ZFHX3: variants seen among roughly 807,000 people sequenced by gnomAD.
ZFHX3 encodes zinc finger homeobox 3, also known as zinc finger homeobox protein 3.
A neutral mutation model predicts 279.1 loss-of-function variants in ZFHX3; 42 were observed. The ratio of observed to expected loss-of-function variants is 0.15; its 90% CI spans 0.12 to 0.19. The LOEUF (loss-of-function observed/expected upper bound fraction) is 0.19. Ranked by LOEUF, ZFHX3 falls within the 10% of genes least tolerant of loss-of-function variation. The pLI is 1.00. For missense variants in ZFHX3, 4,981 were observed against 4,754.0 expected (o/e 1.05, Z -1.40); for synonymous variants, 2,293 against 1,957.8 (o/e 1.17, Z -4.52).
rs971952814 is a variant in ZFHX3, at chr16:72,797,496, T to C, written c.5186A>G (p.Gln1729Arg). Residue 1729 changes from glutamine to arginine, a missense_variant, in exon 9 of 10, where the codon CAG becomes CGG. This residue lies in a region of ZFHX3 where 1,751 missense variants were observed against 1,770.0 expected (regional missense o/e 0.99). Coordinates refer to ENST00000268489, the MANE Select transcript of ZFHX3 (RefSeq NM_006885.4). ...TTGTTGTTGTTGTTGTTGCTGTTGC[T>C]GCTGCTGTTGTTGCTGCTGCCTGGA... ...IASRQQQQQQ[Q>R]QQQQQQQQQQ... is the part of the protein sequence containing the mutation. 4.3e-6 allele frequency: 7 copies of C among 1,613,064 alleles called. No homozygotes were observed. The highest frequency in any genetic ancestry group is 4.0e-5 in the African/African-American group (3 of 74,894).
chr16:72,878,704 G>A (rs1404896271), intron 4 of ZFHX3, among the ~76,000 whole-genome samples: 2 of 152,172 alleles, frequency 1.3e-5, no homozygotes, highest in Non-Finnish European at 2.9e-5. Flanking sequence ...TACTTGTCCC[G>A]TGGATGAGTT....
chr16:73,838,349 G>A (rs1245238389), intron 1 of ZFHX3, among the ~76,000 whole-genome samples: 1 of 152,110 alleles, frequency 6.6e-6, no homozygotes, highest in Non-Finnish European at 1.5e-5. Context: ...GCATATTTCT[G>A]TCATGTTTAA....
intron 1 of ZFHX3, among the ~76,000 whole-genome samples, chr16:73,040,580 C>G (rs897591676): frequency 6.6e-6 from 1 of 152,120 alleles, no homozygotes; most frequent in Non-Finnish European, 1.5e-5. Flanking sequence ...ATGGGGGACA[C>G]TGTAACTATT....
intron 4 of ZFHX3, among the ~76,000 whole-genome samples, chr16:73,292,995 G>A (rs1426987406): frequency 1.3e-5 from 2 of 152,166 alleles, no homozygotes; most frequent in Non-Finnish European, 2.9e-5. Flanking sequence ...TACCATGGAG[G>A]CAAGTGGCCT....
At chr16:73,648,064 A>G (rs951186406) in intron 2 of ZFHX3, among the ~76,000 whole-genome samples, 1 of 152,236 alleles carries the variant, frequency 6.6e-6, no homozygotes, top group Non-Finnish European at 1.5e-5. Flanking sequence ...TTGGGGCTAC[A>G]TTCTGGAGGA....
chr16:73,756,756 C>T (rs1318006966), intron 1 of ZFHX3, among the ~76,000 whole-genome samples: 1 of 150,328 alleles, frequency 6.7e-6, no homozygotes, highest in Non-Finnish European at 1.5e-5. Flanking sequence ...GAACCCACTC[C>T]TTCTCCCCCC....
At chr16:73,804,609 C>T (rs998703123) in intron 1 of ZFHX3, among the ~76,000 whole-genome samples, 3 of 152,086 alleles carry the variant, frequency 2.0e-5, no homozygotes, top group African/African-American at 4.8e-5. Context: ...ATATAATTTA[C>T]AACCCTCAGA....
chr16:73,760,338 C>G (rs1597099023), intron 1 of ZFHX3, among the ~76,000 whole-genome samples: 1 of 152,252 alleles, frequency 6.6e-6, no homozygotes, highest in East Asian at 1.9e-4. Flanking sequence ...GACGGATTTA[C>G]AGCTGAATTT....
chr16:73,235,813 G>A (rs536584730), intron 5 of ZFHX3, among the ~76,000 whole-genome samples: 2 of 152,054 alleles, frequency 1.3e-5, no homozygotes, highest in South Asian at 4.1e-4. Context: ...TGGGACTATA[G>A]GCATGCGCCA....
At chr16:73,872,752 G>A (rs968270560) in intron 1 of ZFHX3, among the ~76,000 whole-genome samples, 1 of 79,548 alleles carries the variant, frequency 1.3e-5, no homozygotes, top group African/African-American at 5.4e-5. Flanking sequence ...GGTGGCGGGG[G>A]TTGGTGGTGG....
At chr16:73,234,283 A>G (rs1044345211) in intron 5 of ZFHX3, among the ~76,000 whole-genome samples, 1 of 152,202 alleles carries the variant, frequency 6.6e-6, no homozygotes, top group Admixed American at 6.5e-5. Context: ...AATGCAGGAG[A>G]TGAAATTAGC....
At chr16:73,139,045 G>A (rs1966839294) in intron 6 of ZFHX3, among the ~76,000 whole-genome samples, 1 of 152,112 alleles carries the variant, frequency 6.6e-6, no homozygotes, top group Non-Finnish European at 1.5e-5. Context: ...TTCAACATTT[G>A]GTTGAAGGGG....
chr16:73,781,758 G>A (rs202239743), intron 1 of ZFHX3, among the ~76,000 whole-genome samples: 1 of 152,186 alleles, frequency 6.6e-6, no homozygotes, highest in East Asian at 1.9e-4. Flanking sequence ...GGAGGCCAAG[G>A]TGGGCGAATC....
At chr16:72,907,227 C>T (rs1468868657) in intron 3 of ZFHX3, among the ~76,000 whole-genome samples, 3 of 152,236 alleles carry the variant, frequency 2.0e-5, no homozygotes, top group Admixed American at 6.5e-5. Context: ...TCTATAATAG[C>T]ATAAGGCCAG....
chr16:73,068,417 GAC>G (rs1965781873), intron 8 of ZFHX3, among the ~76,000 whole-genome samples: 1 of 152,174 alleles, frequency 6.6e-6, no homozygotes, highest in South Asian at 2.1e-4. Context: ...AAGACTAAGA[GAC>G]AAGTCACTGA....
chr16:73,012,540 C>A (rs1177218390), intron 1 of ZFHX3, among the ~76,000 whole-genome samples: 1 of 152,066 alleles, frequency 6.6e-6, no homozygotes. Flanking sequence ...ACGGCCGGTG[C>A]CCAACGGTGG....
At chr16:72,926,906 T>C (rs577854005) in intron 3 of ZFHX3, among the ~76,000 whole-genome samples, 6 of 152,316 alleles carry the variant, frequency 3.9e-5, no homozygotes, top group African/African-American at 1.4e-4. Context: ...CACAAAGGAT[T>C]ACCAAGAAGC....
At chr16:72,969,536 C>T (rs1210010351) in intron 1 of ZFHX3, among the ~76,000 whole-genome samples, 1 of 151,702 alleles carries the variant, frequency 6.6e-6, no homozygotes, top group African/African-American at 2.4e-5. Context: ...TCCAGCAGCC[C>T]CCAGAGTGTG....
At chr16:73,796,466 C>A (rs1426251985) in intron 1 of ZFHX3, 1 of 152,184 alleles carries the variant, frequency 6.6e-6, no homozygotes, top group Non-Finnish European at 1.5e-5. Context: ...TAAGAGAGAC[C>A]AACTGCAGCT....
Sources: allele counts gnomAD v4.1 joint callset (sites outside exome capture counted in the v4.1 genomes callset), GRCh38; gene constraint gnomAD v4.1.1; regional missense constraint gnomAD v4.1.1; transcripts MANE v1.5; gene names NCBI Gene and HGNC (gene_info 2026-07-23, HGNC 2026-07-21).